TXNDC15: variants seen among roughly 807,000 people sequenced by gnomAD.
The protein encoded by TXNDC15 is thioredoxin domain containing 15.
A neutral mutation model predicts 35.0 loss-of-function variants in TXNDC15; 24 were observed. The observed-to-expected ratio is 0.68, with a 90% CI of 0.50 to 0.96. TXNDC15 has a LOEUF of 0.96. Among genes scored for constraint, TXNDC15 ranks in the 40% least tolerant of loss-of-function variants. The pLI, the probability that TXNDC15 is intolerant of heterozygous loss-of-function variation, is 0.00. For missense variants in TXNDC15, 385 were observed against 453.3 expected, an observed-to-expected ratio of 0.85 and a Z score of 1.37; for synonymous variants, 169 against 174.0, an observed-to-expected ratio of 0.97 and a Z score of 0.23.
rs991362804 is a variant in TXNDC15, at chr5:134,888,522, C to T, written c.591+340C>T. ...TTTTGAGACAGAGTTTTGCTCTTGT[C>T]ACCTAGGCTGGAGTGCAATGGCATG... is the stretch of plus-strand genomic sequence containing the variant. On this transcript the variant is annotated intron_variant, in intron 2 of 4. Coordinates refer to ENST00000358387, the MANE Select transcript of TXNDC15 (RefSeq NM_024715.4). Among the ~76,000 whole-genome samples the T allele has an allele frequency of 2.6e-5, 4 of 152,266 alleles. No individual in the cohort carries two copies. The East Asian group carries it at 5.8e-4, about 22-fold the overall frequency.
rs766364915 is a variant in TXNDC15, at chr5:134,893,548, C to T, written c.648C>T (p.Tyr216=). 6 of 1,614,092 alleles carry T rather than the reference C, an allele frequency of 3.7e-6. No homozygotes were observed. Among genetic ancestry groups the T allele is most frequent in the African/African-American group, 1.3e-5 (1 of 74,940 alleles). ...GTGACTGTACTCTAGTCCTGTTTTA[C>T]ACCCCGTGGTGCCGCTTTTCTGCCA... The part of the protein sequence containing the change: ...NGSDCTLVLF[Y]TPWCRFSASL... The change falls in exon 3 of 5, where the codon TAC becomes TAT. Residue 216 remains tyrosine, a synonymous_variant. Transcript: ENST00000358387.
intron 2 of TXNDC15, among the ~76,000 whole-genome samples, chr5:134,890,877 G>T (rs1423438828): frequency 6.6e-6 from 1 of 152,206 alleles, no homozygotes; most frequent in Non-Finnish European, 1.5e-5. Flanking sequence ...TAAATCCTTT[G>T]TCGTCATTTC....
In TXNDC15 at chr5:134,874,487, A is replaced by G. The variant is rs148878217; in HGVS notation, c.60A>G (p.Gln20=). ...TCATGCGGCTCCTCGGCTGGTGGCAAGTATTGCTGTGGGTGCTGGGACTTC... is the reference window on the plus strand; with the variant it reads ...TCATGCGGCTCCTCGGCTGGTGGCAGGTATTGCTGTGGGTGCTGGGACTTC... ...PRVMRLLGWW[Q]VLLWVLGLPV... is the part of the protein sequence containing the mutation. Residue 20 remains glutamine (Q), a synonymous_variant, in exon 1 of 5, where the codon CAA becomes CAG. Transcript: ENST00000358387. 183 of 1,605,810 alleles carry G rather than the reference A, an allele frequency of 1.1e-4. No individual in the cohort carries two copies. The highest frequency in any genetic ancestry group is 1.4e-4 in the Non-Finnish European group (170 of 1,177,868).
chr5:134,882,432 A>T (rs529127581), intron 1 of TXNDC15, among the ~76,000 whole-genome samples: 1,744 of 152,230 alleles, frequency 0.011, 44 homozygotes, highest in African/African-American at 0.04. Context: ...CTCACTTCCC[A>T]GACAGGGTGG....
chr5:134,899,593 T>C lies in TXNDC15; in HGVS notation c.991T>C (p.Phe331Leu), dbSNP rs1488571908. Reference sequence around the variant, plus strand: ...GGACTGGTTGCTTGTATTTTCCTTATTCTTTTTAATTAGTTTTATTATGTA... The same window carrying C: ...GGACTGGTTGCTTGTATTTTCCTTACTCTTTTTAATTAGTTTTATTATGTA... The part of the protein sequence containing the change: ...SVDWLLVFSL[F>L]FLISFIMYAT... The change falls in exon 5 of 5, where the codon TTC becomes CTC. Residue 331 changes from phenylalanine (F) to leucine (L), a missense_variant. Coordinates refer to ENST00000358387, the MANE Select transcript of TXNDC15 (RefSeq NM_024715.4). 5.0e-6 allele frequency: 8 copies of C among 1,613,904 alleles called. No homozygotes were observed. The highest frequency in any genetic ancestry group is 4.0e-5 in the African/African-American group (3 of 74,936).
chr5:134,884,271 A>T (rs1485284726), intron 1 of TXNDC15, among the ~76,000 whole-genome samples: 2 of 149,210 alleles, frequency 1.3e-5, no homozygotes, highest in Admixed American at 6.7e-5. Flanking sequence ...TTCCCGAGAC[A>T]GAGTTTTGCT....
At chr5:134,875,960 G>A (rs1480537915) in intron 1 of TXNDC15, among the ~76,000 whole-genome samples, 14 of 152,134 alleles carry the variant, frequency 9.2e-5, no homozygotes, top group Non-Finnish European at 2.1e-4. Flanking sequence ...TTGAGCCACC[G>A]TGCCTGGCCT....
At chr5:134,886,858 C>T (rs749076597) in intron 1 of TXNDC15, among the ~76,000 whole-genome samples, 6 of 152,220 alleles carry the variant, frequency 3.9e-5, no homozygotes, top group South Asian at 2.1e-4. Flanking sequence ...TGTGTACCAT[C>T]GGACACTGTG....
intron 1 of TXNDC15, 142 bp downstream of exon 1, chr5:134,874,672 C>A: frequency 1.5e-6 from 1 of 670,122 alleles, no homozygotes; most frequent in Non-Finnish European, 2.3e-6. Context: ...CCCGACTTCT[C>A]TCCCCGCGCA....
chr5:134,898,205 G>T (rs1240593644), intron 4 of TXNDC15, among the ~76,000 whole-genome samples: 1 of 152,064 alleles, frequency 6.6e-6, no homozygotes, highest in African/African-American at 2.4e-5. Context: ...TCATCCAACA[G>T]TATGCTTGTG....
At chr5:134,880,578 G>A (rs2546712) in intron 1 of TXNDC15, among the ~76,000 whole-genome samples, 95,136 of 151,474 alleles carry the variant, frequency 0.63, 30,126 homozygotes, top group African/African-American at 0.73. Flanking sequence ...CTGGGATTAC[G>A]GGCGCCCGCT....
Position 134,874,494 on chromosome 5 carries a change from C to T in TXNDC15, c.67C>T (p.Leu23=), listed in dbSNP as rs775104371. ...MRLLGWWQVL[L]WVLGLPVRGV... is the part of the protein sequence containing the mutation. ...GCTCCTCGGCTGGTGGCAAGTATTG[C>T]TGTGGGTGCTGGGACTTCCCGTCCG... Residue 23 remains leucine (L), a synonymous_variant, in exon 1 of 5, where the codon CTG becomes TTG. Transcript: ENST00000358387. The T allele has an allele frequency of 1.2e-6, 2 of 1,605,502 alleles. No individual in the cohort carries two copies. Among genetic ancestry groups the T allele is most frequent in the Non-Finnish European group, 1.7e-6 (2 of 1,177,812 alleles).
intron 1 of TXNDC15, among the ~76,000 whole-genome samples, chr5:134,884,222 A>G: frequency 6.7e-6 from 1 of 150,130 alleles, no homozygotes; most frequent in Non-Finnish European, 1.5e-5. Context: ...TCAGTTTCAA[A>G]AAAAAAAAAA....
At chr5:134,881,010 T>C (rs917716712) in intron 1 of TXNDC15, among the ~76,000 whole-genome samples, 5 of 151,946 alleles carry the variant, frequency 3.3e-5, no homozygotes, top group Non-Finnish European at 7.4e-5. Flanking sequence ...TTTTTGGCTA[T>C]AATTTCTTCA....
intron 3 of TXNDC15, among the ~76,000 whole-genome samples, chr5:134,894,735 T>C (rs1284096700): frequency 6.6e-6 from 1 of 152,200 alleles, no homozygotes; most frequent in Non-Finnish European, 1.5e-5. Context: ...GCTGCGATTG[T>C]GCCTGAGTTA....
Position 134,899,909 on chromosome 5 carries a change from G to C in TXNDC15, c.*224G>C. ...AATATTCAATAGATGCACTATTCTT[G>C]TTTTTACTGCATGAACGTAATCCAG... On this transcript the variant is annotated 3_prime_UTR_variant, in exon 5 of 5. Transcript: ENST00000358387. 2.2e-6 allele frequency: 1 copy of C among 450,102 alleles called. No homozygotes were observed. The highest frequency in any genetic ancestry group is 3.9e-6 in the Non-Finnish European group (1 of 258,122). The allele number at this position is 450,102 out of a possible 1,614,324, so 27.9% of individuals were successfully genotyped here.
intron 2 of TXNDC15, among the ~76,000 whole-genome samples, chr5:134,889,211 TG>T (rs1191209750): frequency 6.6e-6 from 1 of 152,168 alleles, no homozygotes; most frequent in African/African-American, 2.4e-5. Flanking sequence ...AAACAGGTGG[TG>T]GCAGGGACGG....
rs1242946323 is a variant in TXNDC15, at chr5:134,901,284, A to G, written c.*1599A>G. On this transcript the variant is annotated 3_prime_UTR_variant, in exon 5 of 5. Coordinates refer to ENST00000358387, the MANE Select transcript of TXNDC15 (RefSeq NM_024715.4). ...TCTCCTTCTTAGAGTGTTACAATGAATGGGAGTTTACAACTTTTATGTGTC... is the reference window on the plus strand; with the variant it reads ...TCTCCTTCTTAGAGTGTTACAATGAGTGGGAGTTTACAACTTTTATGTGTC... 6.6e-6 allele frequency: 1 copy of G among 152,198 alleles called. No homozygotes were observed. The highest frequency in any genetic ancestry group is 2.4e-5 in the African/African-American group (1 of 41,446). The allele number at this position is 152,198 out of a possible 1,614,324, so 9.4% of individuals were successfully genotyped here.
At chr5:134,874,593 G>A in intron 1 of TXNDC15, 63 bp downstream of exon 1, 3 of 1,362,288 alleles carry the variant, frequency 2.2e-6, no homozygotes, top group Admixed American at 2.1e-5. Context: ...CCCGGGCGAC[G>A]CTCTGGACCT....
Sources: gnomAD v4.1 joint callset for allele counts (sites outside exome capture counted in the v4.1 genomes callset) on GRCh38, gnomAD v4.1.1 for gene constraint, MANE v1.5 for transcripts, NCBI Gene and HGNC (gene_info 2026-07-23, HGNC 2026-07-21) for gene names.